The following WDR47 variants were observed in gnomAD, a reference collection of about 807,000 sequenced individuals.
WDR47 encodes the protein WD repeat domain 47.
Under a neutral mutation model 97.2 loss-of-function variants are expected in WDR47, and 32 were observed. The ratio of observed to expected loss-of-function variants is 0.33; its 90% CI spans 0.25 to 0.44. The LOEUF (loss-of-function observed/expected upper bound fraction) is 0.44, where lower values mean the gene tolerates loss of function less well. Ranked by LOEUF, WDR47 falls within the 20% of genes least tolerant of loss-of-function variation. The pLI, the probability that WDR47 is intolerant of heterozygous loss-of-function variation, is 1.00. For missense variants in WDR47, 782 were observed against 1,102.3 expected (o/e 0.71, Z 4.11); for synonymous variants, 375 against 373.5 (o/e 1.00, Z -0.05).
At chr1:109,012,752 C>T (rs1284386380) in intron 4 of WDR47, among the ~76,000 whole-genome samples, 1 of 152,022 alleles carries the variant, frequency 6.6e-6, no homozygotes, top group East Asian at 1.9e-4. Context: ...CCTAGTCTAG[C>T]CACCATATCT....
intron 1 of WDR47, among the ~76,000 whole-genome samples, chr1:109,026,226 C>G (rs11485105): frequency 2.0e-5 from 3 of 151,678 alleles, no homozygotes; most frequent in African/African-American, 2.4e-5. Context: ...TTTTATTTTA[C>G]TTTTTGTAGA....
At position 109,023,539 on chromosome 1, in the gene WDR47, A is replaced by C. The variant is rs1353848919; in HGVS notation, c.-9-18T>G. The C allele has an allele frequency of 6.2e-7, 1 of 1,605,896 alleles. No homozygotes were observed. The highest frequency in any genetic ancestry group is 8.5e-7 in the Non-Finnish European group (1 of 1,175,450). On this transcript the variant is annotated intron_variant, in intron 1 of 14. Transcript: ENST00000369962. ...TTGATAGCCTAAATATGAAACAGAA[A>C]AACAATAAAGCTAGTCCTATTGATT... is the stretch of plus-strand genomic sequence containing the variant.
intron 5 of WDR47, among the ~76,000 whole-genome samples, chr1:109,007,562 C>A (rs1024069459): frequency 6.6e-6 from 1 of 152,196 alleles, no homozygotes; most frequent in African/African-American, 2.4e-5. Context: ...TCTCTCACAG[C>A]ATTTCATTAG....
intron 9 of WDR47, among the ~76,000 whole-genome samples, chr1:108,990,822 T>C (rs1267601503): frequency 6.6e-6 from 1 of 151,992 alleles, no homozygotes; most frequent in Non-Finnish European, 1.5e-5. Flanking sequence ...GTTCAGAGAA[T>C]AACACAGAGC....
chr1:108,974,669 G>A lies in WDR47; in HGVS notation c.2484C>T (p.Asp828=). 3 of 1,614,094 alleles carry A rather than the reference G, an allele frequency of 1.9e-6. No homozygotes were observed. Among genetic ancestry groups the A allele is most frequent in the Non-Finnish European group, 2.5e-6 (3 of 1,180,002 alleles). ...TTTGTACCATTCTTCCTCCTCTTAT[G>A]TCATACAACATGCAGCTAGAATCTT... ...GQEDSSCMLY[D]IRGGRMVQSY... Residue 828 remains aspartate, a synonymous_variant, in exon 14 of 15, where the codon GAC becomes GAT. Transcript: ENST00000369962.
rs764151552 is a variant in WDR47 at position 108,991,245 on chromosome 1, A to G, written c.1767+9T>C. On this transcript the variant is annotated intron_variant, in intron 9 of 14. Coordinates refer to ENST00000369962, the MANE Select transcript of WDR47 (RefSeq NM_001142551.2). ...GAAAACAATAAAACTTCCTTCCCCA[A>G]AGTATTACCTCTTCCCCTTTCGACC... 1.2e-6 allele frequency: 2 copies of G among 1,602,622 alleles called. No homozygotes were observed. The highest frequency in any genetic ancestry group is 2.2e-5 in the East Asian group (1 of 44,724).
chr1:108,971,578 T>G lies in WDR47; in HGVS notation c.2618-6A>C. ...AAGCTGCTTGGTGAGGTCCCCTAAA[T>G]TACAAAAGAGATGTTGATTTACAAT... On this transcript the variant is annotated splice_region_variant and splice_polypyrimidine_tract_variant and intron_variant, in intron 14 of 14. Coordinates refer to ENST00000369962, the MANE Select transcript of WDR47 (RefSeq NM_001142551.2). 1 of 1,614,054 alleles carries G rather than the reference T, an allele frequency of 6.2e-7. No homozygotes were observed. Among genetic ancestry groups the G allele is most frequent in the Non-Finnish European group, 8.5e-7 (1 of 1,179,978 alleles).
At chr1:109,000,643 T>C (rs1374425513) in intron 7 of WDR47, among the ~76,000 whole-genome samples, 2 of 151,636 alleles carry the variant, frequency 1.3e-5, no homozygotes, top group African/African-American at 4.8e-5. Flanking sequence ...ATTGCGCTAC[T>C]GCACTCCAGC....
rs563790316 is a variant in WDR47, at chr1:109,022,164, A to G, written c.158+1191T>C. ...TGCCCAGCCTGAAAATTTTTTAAATATAAGTTTGTAATCACACAGAGAAAC... is the reference window on the plus strand; with the variant it reads ...TGCCCAGCCTGAAAATTTTTTAAATGTAAGTTTGTAATCACACAGAGAAAC... On this transcript the variant is annotated intron_variant, in intron 2 of 14. Coordinates refer to ENST00000369962, the MANE Select transcript of WDR47 (RefSeq NM_001142551.2). Among the ~76,000 whole-genome samples the G allele has an allele frequency of 6.6e-5, 10 of 152,262 alleles. No homozygotes were observed. In the South Asian group the frequency reaches 1.9e-3, roughly 28 times the overall value.
At chr1:108,999,884 T>G (rs1252661123) in intron 7 of WDR47, among the ~76,000 whole-genome samples, 2 of 152,196 alleles carry the variant, frequency 1.3e-5, no homozygotes, top group African/African-American at 4.8e-5. Flanking sequence ...TCAAATTACA[T>G]CCATGACTTT....
intron 10 of WDR47, among the ~76,000 whole-genome samples, chr1:108,985,976 C>CAAAAAAAAAA (rs35165386): frequency 6.2e-5 from 6 of 96,174 alleles, no homozygotes; most frequent in Admixed American, 1.2e-4. Context: ...ATAGAGATAG[C>CAAAAAAAAAA]AAAAAAAAAA....
At chr1:109,005,985 G>A (rs1034315710) in intron 5 of WDR47, among the ~76,000 whole-genome samples, 1 of 152,128 alleles carries the variant, frequency 6.6e-6, no homozygotes, top group African/African-American at 2.4e-5. Flanking sequence ...TAATAGGTTG[G>A]ATAATACAAT....
In WDR47 at chr1:108,986,541, G is replaced by C. The variant is rs1385933156; in HGVS notation, c.1907C>G (p.Pro636Arg). ...TCCTTACCTTGGATCAATTACATCT[G>C]GATAGGCACATACTCTCAGAGTTTT... is the stretch of plus-strand genomic sequence containing the variant. ...NSKTLRVCAY[P>R]DVIDPSAHET... Residue 636 changes from proline (P) to arginine (R), a missense_variant, in exon 10 of 15, where the codon CCA becomes CGA. Pro to Arg is a moderately radical substitution (Grantham distance 103, BLOSUM62 -2). Around this residue, in one of 3 missense-constraint regions of WDR47, gnomAD observed 228 missense variants for 396.7 expected, o/e 0.57. Transcript: ENST00000369962. The C allele has an allele frequency of 2.5e-6, 4 of 1,611,862 alleles. No homozygotes were observed. The African/African-American group carries it at 5.3e-5, about 22-fold the overall frequency.
At chr1:108,982,021 G>C (rs893634131) in intron 12 of WDR47, among the ~76,000 whole-genome samples, 157 bp from the exon 13 acceptor site, 1 of 148,592 alleles carries the variant, frequency 6.7e-6, no homozygotes, top group Non-Finnish European at 1.5e-5. Context: ...CCAGGAGTTC[G>C]AGGCTGCAGT....
chr1:108,980,561 T>G (rs1187584215), intron 13 of WDR47, among the ~76,000 whole-genome samples: 1 of 151,886 alleles, frequency 6.6e-6, no homozygotes, highest in African/African-American at 2.4e-5. Context: ...AAACCCAATC[T>G]CTACTAAAAA....
chr1:108,998,746 C>T (rs1239065308), intron 7 of WDR47, among the ~76,000 whole-genome samples: 3 of 151,840 alleles, frequency 2.0e-5, no homozygotes, highest in Admixed American at 6.6e-5. Flanking sequence ...CTGTCTATGC[C>T]CCTCAGAAGG....
At chr1:109,023,238 A>G (rs1661977631) in intron 2 of WDR47, 117 bp downstream of exon 2, 1 of 958,286 alleles carries the variant, frequency 1.0e-6, no homozygotes, top group Non-Finnish European at 1.4e-6. Context: ...TTTTAAAATT[A>G]TACTTACATA....
At chr1:109,024,226 G>A (rs1020056714) in intron 1 of WDR47, among the ~76,000 whole-genome samples, 1 of 152,122 alleles carries the variant, frequency 6.6e-6, no homozygotes, top group Non-Finnish European at 1.5e-5. Context: ...CCAAAGTGGA[G>A]GGACTGCTTG....
intron 9 of WDR47, chr1:108,986,899 G>C (rs1658872538): frequency 5.2e-6 from 2 of 386,668 alleles, no homozygotes; most frequent in East Asian, 8.8e-5. Context: ...AGGCTACAGT[G>C]AAGAAATCTT....
Sources: allele counts gnomAD v4.1 joint callset (sites outside exome capture counted in the v4.1 genomes callset), GRCh38; gene constraint gnomAD v4.1.1; regional missense constraint gnomAD v4.1.1; transcripts MANE v1.5; gene names NCBI Gene and HGNC (gene_info 2026-07-23, HGNC 2026-07-21).